Variants in KCNQ5 observed in about 807,000 individuals in gnomAD.
KCNQ5 encodes the protein potassium voltage-gated channel subfamily KQT member 5.
In KCNQ5, 30 loss-of-function variants were observed where a neutral mutation model predicts 98.2. The ratio of observed to expected loss-of-function variants is 0.31; its 90% CI spans 0.23 to 0.41. KCNQ5 has a LOEUF of 0.41. KCNQ5 is among the 10% of genes least tolerant of loss of function. KCNQ5 has a pLI of 1.00. For missense variants in KCNQ5, 835 were observed against 1,182.5 expected (o/e 0.71, Z 4.31); for synonymous variants, 458 against 449.4 (o/e 1.02, Z -0.24).
At chr6:72,629,630 A>G (rs1038080120) in intron 1 of KCNQ5, among the ~76,000 whole-genome samples, 18 of 152,220 alleles carry the variant, frequency 1.2e-4, no homozygotes, top group African/African-American at 4.3e-4. Context: ...CGCCAGTTTT[A>G]ATTTTTAATT....
intron 1 of KCNQ5, among the ~76,000 whole-genome samples, chr6:72,958,567 A>G (rs1327821714): frequency 6.6e-6 from 1 of 152,196 alleles, no homozygotes; most frequent in African/African-American, 2.4e-5. Context: ...TTTCTGCTAT[A>G]TTGATATGGT....
chr6:72,796,808 A>G (rs1774357348), intron 1 of KCNQ5, among the ~76,000 whole-genome samples: 2 of 152,210 alleles, frequency 1.3e-5, no homozygotes, highest in Admixed American at 6.6e-5. Context: ...TTTGCAAGAA[A>G]TACTGATACA....
chr6:72,860,538 G>T (rs915173725), intron 1 of KCNQ5, among the ~76,000 whole-genome samples: 4 of 152,050 alleles, frequency 2.6e-5, no homozygotes, highest in African/African-American at 9.7e-5. Flanking sequence ...GAGACAATTC[G>T]TGGAAAACAC....
chr6:72,815,839 A>C (rs1397783284), intron 1 of KCNQ5, among the ~76,000 whole-genome samples: 1 of 152,190 alleles, frequency 6.6e-6, no homozygotes, highest in East Asian at 1.9e-4. Context: ...GACAGCCCCA[A>C]AAGAAGATCT....
chr6:73,048,337 T>C (rs1772063721), intron 3 of KCNQ5, among the ~76,000 whole-genome samples: 1 of 152,142 alleles, frequency 6.6e-6, no homozygotes, highest in Non-Finnish European at 1.5e-5. Context: ...TTATTAACAC[T>C]TGATGAGCTT....
At position 73,105,367 on chromosome 6, in the gene KCNQ5, C is replaced by T. The variant is rs764651477; in HGVS notation, c.1029C>T (p.Ala343=). The T allele has an allele frequency of 2.3e-5, 36 of 1,590,554 alleles. No individual in the cohort carries two copies. The highest frequency in any genetic ancestry group is 3.3e-4 in the Middle Eastern group (2 of 6,012). ...LLGISFFALP[A]GILGSGFALK... ...GCATTTCTTTCTTTGCACTTCCTGCCGTGAGTATCTTTGCACCAATAAAGC... is the reference window on the plus strand; with the variant it reads ...GCATTTCTTTCTTTGCACTTCCTGCTGTGAGTATCTTTGCACCAATAAAGC... The change falls in exon 6 of 14, where the codon GCC becomes GCT. Residue 343 remains alanine, a splice_region_variant and synonymous_variant. Transcript: ENST00000370398.
intron 3 of KCNQ5, among the ~76,000 whole-genome samples, chr6:73,056,711 A>G (rs1328159559): frequency 5.3e-5 from 8 of 152,166 alleles, no homozygotes; most frequent in Non-Finnish European, 1.2e-4. Flanking sequence ...ATTTGAGCAT[A>G]ACTGTACTAA....
chr6:73,119,276 G>A (rs765627550), intron 7 of KCNQ5, among the ~76,000 whole-genome samples: 14 of 152,318 alleles, frequency 9.2e-5, no homozygotes, highest in Non-Finnish European at 1.3e-4. Context: ...TCTCCGTGGA[G>A]GGATTCTATG....
intron 1 of KCNQ5, among the ~76,000 whole-genome samples, chr6:72,664,583 A>G (rs1766699277): frequency 6.6e-6 from 1 of 152,156 alleles, no homozygotes; most frequent in African/African-American, 2.4e-5. Flanking sequence ...TGAACCTGGG[A>G]GGCAGAGCTT....
chr6:72,902,536 G>C (rs553360663), intron 1 of KCNQ5, among the ~76,000 whole-genome samples: 1 of 152,114 alleles, frequency 6.6e-6, no homozygotes, highest in Non-Finnish European at 1.5e-5. Context: ...GTTTTGTTGA[G>C]AGTTTTAATC....
intron 1 of KCNQ5, among the ~76,000 whole-genome samples, chr6:72,823,457 G>C (rs1384750289): frequency 1.3e-5 from 2 of 152,176 alleles, no homozygotes; most frequent in Non-Finnish European, 1.5e-5. Context: ...ATTTTCACAT[G>C]TAAGAATATG....
At chr6:72,720,039 G>A (rs555712095) in intron 1 of KCNQ5, among the ~76,000 whole-genome samples, 2 of 152,294 alleles carry the variant, frequency 1.3e-5, no homozygotes, top group South Asian at 2.1e-4. Flanking sequence ...CAGGTGACCC[G>A]CCGCCATATC....
rs139815127 is a variant in KCNQ5, at chr6:72,952,156, G to T, written c.399-51752G>T. ...AGTAAGATTAGTATTTTTGGATAAG[G>T]ATAGTTGATGTGTCACACAACAGAG... On this transcript the variant is annotated intron_variant, in intron 1 of 13. Transcript: ENST00000370398. Among the ~76,000 whole-genome samples, 441 of 152,284 alleles carry T rather than the reference G, an allele frequency of 2.9e-3. 5 individuals carry two copies. The highest frequency in any genetic ancestry group is 0.025 in the East Asian group (130 of 5,178).
At position 72,622,129 on chromosome 6, in the gene KCNQ5, A is replaced by C. The variant is rs2098915447; in HGVS notation, c.-61A>C. 5.9e-6 allele frequency: 7 copies of C among 1,192,242 alleles called. No individual in the cohort carries two copies. Among genetic ancestry groups the C allele is most frequent in the East Asian group, 3.4e-5 (1 of 29,010 alleles). 73.9% of individuals were successfully genotyped at this position (1,192,242 alleles called of 1,614,324 possible). A position where few individuals can be genotyped will look rare whatever the true frequency, so the allele number is the denominator to read the frequency against. On this transcript the variant is annotated 5_prime_UTR_variant, in exon 1 of 14. An upstream start codon of the reference 5' UTR is lost. Coordinates refer to ENST00000370398, the MANE Select transcript of KCNQ5 (RefSeq NM_019842.4). The surrounding 1 kb of genome is among the most constrained non-coding windows in gnomAD (Gnocchi z 6.0). Reference sequence around the variant, plus strand: ...TCCTCCTTGAAACCCGCCGGCGCACATGAGGCCGCTGCCCCCGCCGCAGGC... The same window carrying C: ...TCCTCCTTGAAACCCGCCGGCGCACCTGAGGCCGCTGCCCCCGCCGCAGGC...
At chr6:72,924,326 A>G (rs1235282477) in intron 1 of KCNQ5, among the ~76,000 whole-genome samples, 1 of 152,212 alleles carries the variant, frequency 6.6e-6, no homozygotes, top group Non-Finnish European at 1.5e-5. Context: ...GGAAGCAGAA[A>G]TAGCAATTTT....
rs1393088250 is a variant in KCNQ5 at position 73,197,804 on chromosome 6, T to C, written c.*2390T>C. On this transcript the variant is annotated 3_prime_UTR_variant, in exon 14 of 14. Transcript: ENST00000370398. ...ACTGGCAGCAGGAATTCTGAATGTATTGGGGACCCCTCCTTAGGCCTCGTT... is the reference window on the plus strand; with the variant it reads ...ACTGGCAGCAGGAATTCTGAATGTACTGGGGACCCCTCCTTAGGCCTCGTT... 6.6e-6 allele frequency: 1 copy of C among 152,312 alleles called. No homozygotes were observed. Among genetic ancestry groups the C allele is most frequent in the Non-Finnish European group, 1.5e-5 (1 of 68,110 alleles). 9.4% of individuals were successfully genotyped at this position (152,312 alleles called of 1,614,324 possible).
intron 7 of KCNQ5, among the ~76,000 whole-genome samples, chr6:73,114,848 G>A (rs962080873): frequency 1.3e-5 from 2 of 152,162 alleles, no homozygotes; most frequent in Non-Finnish European, 2.9e-5. Flanking sequence ...TTGCTTTGAT[G>A]CCAACTGACC....
At chr6:72,973,663 A>T (rs1768012467) in intron 1 of KCNQ5, among the ~76,000 whole-genome samples, 2 of 152,156 alleles carry the variant, frequency 1.3e-5, no homozygotes, top group South Asian at 4.1e-4. Flanking sequence ...TTTTCCACCA[A>T]GCAACATTAA....
chr6:72,879,031 CTA>C (rs1178631947), intron 1 of KCNQ5, among the ~76,000 whole-genome samples: 2 of 151,904 alleles, frequency 1.3e-5, no homozygotes, highest in African/African-American at 2.4e-5. Context: ...ATATTTCTTT[CTA>C]TGTTATATAT....
Sources: gnomAD v4.1 joint callset for allele counts (sites outside exome capture counted in the v4.1 genomes callset) on GRCh38, gnomAD v4.1.1 for gene constraint, Gnocchi (gnomAD v3.1) non-coding constraint, MANE v1.5 for transcripts, NCBI Gene and HGNC (gene_info 2026-07-23, HGNC 2026-07-21) for gene names.